Variants in FSIP1 observed in about 807,000 individuals in gnomAD.
FSIP1 encodes fibrous sheath-interacting protein 1.
FSIP1 carries 65 observed loss-of-function variants against 60.9 expected under a neutral mutation model. The observed-to-expected ratio is 1.07, with a 90% CI of 0.87 to 1.31. FSIP1 has a LOEUF of 1.31. Among genes scored for constraint, FSIP1 ranks in the 40% most tolerant of loss-of-function variants. The pLI is 0.00. For synonymous variants in FSIP1, 209 were observed against 221.2 expected (o/e 0.94, Z 0.49); for missense variants, 675 against 665.5 (o/e 1.01, Z -0.16).
chr15:39,706,149 T>A (rs1337766307), intron 10 of FSIP1, among the ~76,000 whole-genome samples: 5 of 152,218 alleles, frequency 3.3e-5, no homozygotes, highest in Admixed American at 2.6e-4. Context: ...TTTCCTGGGT[T>A]TTTTGTTTGG....
At chr15:39,777,265 T>C (rs982773134) in intron 1 of FSIP1, among the ~76,000 whole-genome samples, 16 of 152,112 alleles carry the variant, frequency 1.1e-4, no homozygotes, top group East Asian at 1.9e-4. Flanking sequence ...TTCAGCCTTC[T>C]TCCCTCTCAG....
chr15:39,724,169 T>C (rs1316306406), intron 9 of FSIP1, among the ~76,000 whole-genome samples: 1 of 152,230 alleles, frequency 6.6e-6, no homozygotes, highest in Admixed American at 6.5e-5. Flanking sequence ...CCTTTCATTA[T>C]TTTTAAAATA....
At chr15:39,659,410 C>T (rs1260429705) in intron 10 of FSIP1, among the ~76,000 whole-genome samples, 3 of 151,764 alleles carry the variant, frequency 2.0e-5, no homozygotes, top group East Asian at 1.9e-4. Flanking sequence ...GGCGTGGTGG[C>T]GGGCGCCTGT....
downstream of FSIP1, chr15:39,599,533 T>TC (rs1890565541): frequency 9.1e-6 from 1 of 109,558 alleles, no homozygotes; most frequent in African/African-American, 3.6e-5. Flanking sequence ...CTCCCCTCCC[T>TC]CCTCCTTCTT....
intron 10 of FSIP1, among the ~76,000 whole-genome samples, chr15:39,662,654 A>C (rs113934167): frequency 1.3e-3 from 202 of 152,144 alleles, no homozygotes; most frequent in African/African-American, 4.7e-3. Flanking sequence ...CCTCAGCTGG[A>C]TAGGGATGAT....
At chr15:39,632,359 G>T (rs948311174) in intron 10 of FSIP1, among the ~76,000 whole-genome samples, 11 of 152,144 alleles carry the variant, frequency 7.2e-5, no homozygotes, top group African/African-American at 2.6e-4. Flanking sequence ...TAATTTTTTT[G>T]TAGAGATGAG....
intron 10 of FSIP1, among the ~76,000 whole-genome samples, chr15:39,627,187 T>C (rs1481240987): frequency 6.6e-6 from 1 of 152,178 alleles, no homozygotes; most frequent in African/African-American, 2.4e-5. Flanking sequence ...TTACCCATCA[T>C]CCAGACCTGT....
In FSIP1 at chr15:39,759,777, A is replaced by C. The variant is rs527502742; in HGVS notation, c.559+4044T>G. On this transcript the variant is annotated intron_variant, in intron 5 of 11. Coordinates refer to ENST00000350221, the MANE Select transcript of FSIP1 (RefSeq NM_152597.5). ...TGGTTGCCAGCAGGCTTGAGGCTGC[A>C]TCACTCCAATCTCTGCCTCCGTCTT... Among the ~76,000 whole-genome samples, 3 of 152,242 alleles carry C rather than the reference A, an allele frequency of 2.0e-5. No individual in the cohort carries two copies. The East Asian group carries it at 5.8e-4, about 29-fold the overall frequency.
At chr15:39,722,497 C>T (rs1392676203) in intron 9 of FSIP1, among the ~76,000 whole-genome samples, 2 of 152,144 alleles carry the variant, frequency 1.3e-5, no homozygotes, top group Non-Finnish European at 2.9e-5. Context: ...CAGTTTTCAG[C>T]CTCGTGATAC....
At chr15:39,669,326 C>G (rs1052835523) in intron 10 of FSIP1, among the ~76,000 whole-genome samples, 1 of 152,220 alleles carries the variant, frequency 6.6e-6, no homozygotes, top group Non-Finnish European at 1.5e-5. Context: ...CTCTCTCTAC[C>G]CAAAACTGCT....
chr15:39,659,022 T>C (rs1361946329), intron 10 of FSIP1, among the ~76,000 whole-genome samples: 1 of 152,176 alleles, frequency 6.6e-6, no homozygotes, highest in Non-Finnish European at 1.5e-5. Context: ...TGATGAACTT[T>C]GAAAATATTA....
chr15:39,673,704 GT>G (rs1893811845), intron 10 of FSIP1, among the ~76,000 whole-genome samples: 1 of 152,102 alleles, frequency 6.6e-6, no homozygotes, highest in Non-Finnish European at 1.5e-5. Flanking sequence ...GTATTTGTAT[GT>G]TTTAGATAAT....
intron 8 of FSIP1, among the ~76,000 whole-genome samples, chr15:39,731,541 C>A (rs116111748): frequency 8.5e-5 from 13 of 152,168 alleles, no homozygotes; most frequent in African/African-American, 2.2e-4. Flanking sequence ...GTATGTCAGA[C>A]GAAATTCACC....
chr15:39,619,014 A>C (rs543844792), intron 10 of FSIP1, among the ~76,000 whole-genome samples: 6 of 152,206 alleles, frequency 3.9e-5, no homozygotes, highest in Non-Finnish European at 8.8e-5. Context: ...CTAGGAAAAG[A>C]CTAATCCTCC....
intron 5 of FSIP1, among the ~76,000 whole-genome samples, chr15:39,754,282 C>T (rs964218564): frequency 6.6e-6 from 1 of 151,978 alleles, no homozygotes; most frequent in Non-Finnish European, 1.5e-5. Context: ...TGACTGTAGC[C>T]CCGGCAACCA....
intron 5 of FSIP1, among the ~76,000 whole-genome samples, chr15:39,761,808 A>C (rs1329237121): frequency 6.6e-6 from 1 of 152,250 alleles, no homozygotes; most frequent in African/African-American, 2.4e-5. Context: ...TGTATTCATA[A>C]ATCATAATAT....
chr15:39,757,699 A>C (rs1897343979), intron 5 of FSIP1, among the ~76,000 whole-genome samples: 1 of 152,156 alleles, frequency 6.6e-6, no homozygotes, highest in Non-Finnish European at 1.5e-5. Flanking sequence ...TCTGTAAAAG[A>C]ACAATCATCA....
chr15:39,713,419 A>G, intron 10 of FSIP1, 25 bp downstream of exon 10: 1 of 1,570,212 alleles, frequency 6.4e-7, no homozygotes, highest in Non-Finnish European at 8.6e-7. Context: ...TCTTAAAAAA[A>G]ATTAATTAAA....
intron 10 of FSIP1, among the ~76,000 whole-genome samples, chr15:39,632,724 C>A (rs1891950506): frequency 6.6e-6 from 1 of 152,048 alleles, no homozygotes; most frequent in African/African-American, 2.4e-5. Context: ...ACCAGGGAGT[C>A]AGAGGTTGCA....
Sources: gnomAD v4.1 joint callset for allele counts (sites outside exome capture counted in the v4.1 genomes callset) on GRCh38, gnomAD v4.1.1 for gene constraint, MANE v1.5 for transcripts, NCBI Gene and HGNC (gene_info 2026-07-23, HGNC 2026-07-21) for gene names.